The following GLB1 variants were observed in gnomAD, a reference collection of about 807,000 sequenced individuals.
The protein encoded by GLB1 is beta-galactosidase.
Under a neutral mutation model 74.0 loss-of-function variants are expected in GLB1, and 56 were observed. The observed-to-expected ratio is 0.76, with a 90% CI of 0.61 to 0.94. The LOEUF (loss-of-function observed/expected upper bound fraction) is 0.94. Among genes scored for constraint, GLB1 ranks in the 40% least tolerant of loss-of-function variants. The probability of loss-of-function intolerance (pLI) is 0.00; values close to 1 mark genes in which losing one functional copy is unlikely to be tolerated. For missense variants in GLB1, 787 were observed against 845.5 expected (o/e 0.93, Z 0.86); for synonymous variants, 323 against 323.6 (o/e 1.00, Z 0.02).
the GLB1 span, among the ~76,000 whole-genome samples, chr3:32,961,847 C>G: frequency 1.3e-5 from 2 of 152,282 alleles, no homozygotes; most frequent in Middle Eastern, 3.4e-3. Flanking sequence ...CCTGTGATCA[C>G]CACTTCTATA....
rs376478014 is a variant in GLB1, at chr3:33,043,844, G to GAAAAAAAAAAAAAAAAAAAA, written c.1068+2275_1068+2276insTTTTTTTTTTTTTTTTTTTT. On this transcript the variant is annotated intron_variant, in intron 10 of 15. Transcript: ENST00000307363. Reference sequence around the variant, plus strand: ...GTTAATGAATAACAGACCAAAAAAAGAAAAAAAAAAAAAAAAAAGGCTTCC... The same window carrying GAAAAAAAAAAAAAAAAAAAA: ...GTTAATGAATAACAGACCAAAAAAAGAAAAAAAAAAAAAAAAAAAAAAAAAAAAAAAAAAAAAAGGCTTCC... 5.7e-5 allele frequency among the ~76,000 whole-genome samples: 6 copies of GAAAAAAAAAAAAAAAAAAAA among 104,986 alleles called. 1 individual carries two copies. Among genetic ancestry groups the GAAAAAAAAAAAAAAAAAAAA allele is most frequent in the African/African-American group, 3.8e-5 (1 of 26,480 alleles). 68.9% of individuals were successfully genotyped at this position (104,986 alleles called of 152,430 possible). A position where few individuals can be genotyped will look rare whatever the true frequency, so the allele number is the denominator to read the frequency against.
At chr3:33,066,288 A>G (rs1699678833) in intron 4 of GLB1, among the ~76,000 whole-genome samples, 1 of 152,208 alleles carries the variant, frequency 6.6e-6, no homozygotes, top group Non-Finnish European at 1.5e-5. Flanking sequence ...CTCAGCCCTC[A>G]TAAGTAGATC....
At position 33,065,547 on chromosome 3, in the gene GLB1, T is replaced by G; in HGVS notation, c.468A>C (p.Ala156=). 1 of 1,576,074 alleles carries G rather than the reference T, an allele frequency of 6.3e-7. No homozygotes were observed. The highest frequency in any genetic ancestry group is 8.6e-7 in the Non-Finnish European group (1 of 1,157,496). The change falls in exon 5 of 16, where the codon GCA becomes GCC. Residue 156 remains alanine, a synonymous_variant. Transcript: ENST00000307363. ...LLRSSDPDYL[A]AVDKWLGVLL... ...GGACTCCCAACCACTTGTCCACAGC[T>G]GCCAGGTAATCTGGAAAACAAGAAA...
intron 15 of GLB1, 79 bp downstream of exon 15, chr3:33,013,977 G>T: frequency 6.2e-7 from 1 of 1,610,418 alleles, no homozygotes; most frequent in Non-Finnish European, 8.5e-7. Flanking sequence ...CTCACTAACA[G>T]CTCTTTGTGA....
At chr3:33,073,852 AC>A (rs1255943983) in intron 1 of GLB1, among the ~76,000 whole-genome samples, 1 of 151,484 alleles carries the variant, frequency 6.6e-6, no homozygotes, top group African/African-American at 2.4e-5. Flanking sequence ...CTACAAAAAA[AC>A]AAACAAACAA....
chr3:33,043,823 AT>A (rs1698627107), intron 10 of GLB1, among the ~76,000 whole-genome samples: 1 of 32,086 alleles, frequency 3.1e-5, no homozygotes. Context: ...AATGGTGTTA[AT>A]GAATAACAGA....
At chr3:33,072,860 AACCATTGCTAAGCCAGGTCC>A in intron 1 of GLB1, 147 bp from the exon 2 acceptor site, 2 of 1,340,246 alleles carry the variant, frequency 1.5e-6, no homozygotes, top group Non-Finnish European at 2.0e-6. Context: ...CTATCATACA[AACCATTGCTAAGCCAGGTCC>A]ACCAGGGGTA....
intron 15 of GLB1, among the ~76,000 whole-genome samples, chr3:33,003,029 CAGA>C (rs940969361): frequency 6.6e-6 from 1 of 152,210 alleles, no homozygotes; most frequent in Non-Finnish European, 1.5e-5. Context: ...ATGAAATACA[CAGA>C]AGATTAATTC....
At chr3:33,078,435 T>C (rs1700206403) in intron 1 of GLB1, among the ~76,000 whole-genome samples, 1 of 152,218 alleles carries the variant, frequency 6.6e-6, no homozygotes, top group Non-Finnish European at 1.5e-5. Flanking sequence ...AAAAGTCGAA[T>C]AGCCAGACAT....
chr3:33,094,356 C>CTGT, intron 1 of GLB1: 2 of 1,390,288 alleles, frequency 1.4e-6, no homozygotes, highest in Non-Finnish European at 1.9e-6. Flanking sequence ...GTCCTTGTAC[C>CTGT]CATTCAAAAC....
At chr3:33,067,394 G>A (rs1326243079) in intron 4 of GLB1, among the ~76,000 whole-genome samples, 1 of 148,592 alleles carries the variant, frequency 6.7e-6, no homozygotes. Flanking sequence ...AACCTCCCAG[G>A]CTCAAGCAAT....
At chr3:32,982,997 T>C in the GLB1 span, among the ~76,000 whole-genome samples, 4 of 152,180 alleles carry the variant, frequency 2.6e-5, no homozygotes, top group East Asian at 7.7e-4. Flanking sequence ...TCCCTTGAAG[T>C]GGCAGTAGAC....
In GLB1 at chr3:33,018,549, C is replaced by T. The variant is rs1697338804; in HGVS notation, c.1246G>A (p.Val416Met). The T allele has an allele frequency of 1.2e-6, 2 of 1,614,090 alleles. No individual in the cohort carries two copies. Residue 416 changes from valine to methionine, a missense_variant, in exon 13 of 16, where the codon GTG becomes ATG. Physicochemically the swap from Val to Met is conservative, Grantham distance 21 (BLOSUM62 1). Transcript: ENST00000307363. ...TGAGGAAGTGTTGTCCGGTACAGCA[C>T]AAACCCATAATGCTGGTTAGAAAAG... is the stretch of plus-strand genomic sequence containing the variant. The part of the protein sequence containing the change: ...FIQVKQHYGF[V>M]LYRTTLPQDC...
At chr3:33,057,757 G>C (rs534053334) in intron 6 of GLB1, among the ~76,000 whole-genome samples, 2 of 152,310 alleles carry the variant, frequency 1.3e-5, no homozygotes, top group South Asian at 4.1e-4. Context: ...CAGCCTAAAA[G>C]GTGACTGCCT....
At chr3:32,970,368 G>A in the GLB1 span, among the ~76,000 whole-genome samples, 12,984 of 152,026 alleles carry the variant, frequency 0.085, 1,224 homozygotes, top group African/African-American at 0.24. Flanking sequence ...ATGAGATTTT[G>A]TTCAGCCGGC....
At chr3:33,038,185 T>C (rs1698360923) in intron 10 of GLB1, among the ~76,000 whole-genome samples, 1 of 152,250 alleles carries the variant, frequency 6.6e-6, no homozygotes, top group Non-Finnish European at 1.5e-5. Context: ...TTATCTCTTC[T>C]GTGAGCCCCT....
intron 13 of GLB1, 30 bp downstream of exon 13, chr3:33,018,418 C>T (rs1697330397): frequency 1.3e-6 from 2 of 1,589,714 alleles, no homozygotes; most frequent in Non-Finnish European, 1.7e-6. Flanking sequence ...CTCACTGGGA[C>T]AAAACGCACA....
At chr3:33,003,346 G>A (rs1393428014) in intron 15 of GLB1, among the ~76,000 whole-genome samples, 1 of 152,152 alleles carries the variant, frequency 6.6e-6, no homozygotes, top group Non-Finnish European at 1.5e-5. Context: ...CACGTATCTG[G>A]AACCAAGCTA....
chr3:33,045,308 A>C, intron 10 of GLB1: 1 of 951,530 alleles, frequency 1.1e-6, no homozygotes, highest in Non-Finnish European at 1.3e-6. Flanking sequence ...AGAAGAAAAC[A>C]AACATTTATT....
Sources: allele counts gnomAD v4.1 joint callset (sites outside exome capture counted in the v4.1 genomes callset), GRCh38; gene constraint gnomAD v4.1.1; transcripts MANE v1.5; gene names NCBI Gene and HGNC (gene_info 2026-07-23, HGNC 2026-07-21).